The following MUC12 variants were observed in gnomAD, a reference collection of about 807,000 sequenced individuals.
MUC12 encodes mucin 12, cell surface associated.
A neutral mutation model predicts 230.8 loss-of-function variants in MUC12; 172 were observed. That is an observed-to-expected ratio of 0.75 (90% CI 0.66 to 0.85). MUC12 has a LOEUF of 0.85. MUC12 is among the 40% of genes least tolerant of loss of function. The probability of loss-of-function intolerance (pLI) is 0.00; values close to 1 mark genes in which losing one functional copy is unlikely to be tolerated. For synonymous variants in MUC12, 1,259 were observed against 2,401.9 expected (o/e 0.52, Z 13.91); for missense variants, 3,506 against 5,920.6 (o/e 0.59, Z 13.38).
intron 5 of MUC12, among the ~76,000 whole-genome samples, chr7:101,011,414 C>T (rs1477907312): frequency 6.6e-6 from 1 of 152,120 alleles, no homozygotes; most frequent in Non-Finnish European, 1.5e-5. Context: ...AGGTTAGAAA[C>T]TTACCTTTTT....
rs907690064 is a variant in MUC12, at chr7:100,991,110, A to T, written c.547A>T (p.Ser183Cys). Residue 183 changes from serine to cysteine, a missense_variant, in exon 2 of 12, where the codon AGT (serine) becomes TGT (cysteine). Transcript: ENST00000536621. ...GPTHTIAFPD[S>C]TTMPGVSQES... Reference sequence around the variant, plus strand: ...AACGCACACAATAGCGTTCCCTGACAGTACCACCATGCCAGGCGTCAGTCA... The same window carrying T: ...AACGCACACAATAGCGTTCCCTGACTGTACCACCATGCCAGGCGTCAGTCA... The T allele has an allele frequency of 2.3e-5, 36 of 1,537,508 alleles. No homozygotes were observed. In the Admixed American group the frequency reaches 7.1e-4, roughly 30 times the overall value.
chr7:101,005,104 T>C lies in MUC12; in HGVS notation c.14541T>C (p.Ser4847=), dbSNP rs891401861. The change falls in exon 2 of 12, where the codon AGT becomes AGC. Residue 4847 remains serine, a synonymous_variant. Coordinates refer to ENST00000536621, the MANE Select transcript of MUC12 (RefSeq NM_001164462.2). ...CCAGCACCACAGTGCCAGGCCTTAG[T>C]GAGGAATCTACCACCTTCTACAGCA... The part of the protein sequence containing the change: ...SPASTTVPGL[S]EESTTFYSSP... The C allele has an allele frequency of 1.4e-5, 21 of 1,537,838 alleles. No individual in the cohort carries two copies. The highest frequency in any genetic ancestry group is 1.7e-5 in the Non-Finnish European group (19 of 1,147,084).
At chr7:100,979,839 T>A (rs1207124379) in intron 1 of MUC12, among the ~76,000 whole-genome samples, 2 of 151,826 alleles carry the variant, frequency 1.3e-5, no homozygotes, top group African/African-American at 4.8e-5. Context: ...TGTACACACA[T>A]ACATTTATAT....
chr7:101,004,635 A>G lies in MUC12; in HGVS notation c.14072A>G (p.Asp4691Gly). Residue 4691 changes from aspartate (D) to glycine (G), a missense_variant, in exon 2 of 12, where the codon GAT becomes GGT. Transcript: ENST00000536621. ...EESTASHSSP[D>G]TNGITPLPAH... ...TCAACAGCATCCCACAGCAGCCCAG[A>G]TACAAATGGAATCACACCCTTACCT... The G allele has an allele frequency of 6.5e-7, 1 of 1,537,312 alleles. No individual in the cohort carries two copies. The highest frequency in any genetic ancestry group is 8.7e-7 in the Non-Finnish European group (1 of 1,146,596).
chr7:101,012,794 C>G, intron 6 of MUC12, 25 bp from the exon 7 acceptor site: 1 of 1,535,366 alleles, frequency 6.5e-7, no homozygotes, highest in South Asian at 1.2e-5. Flanking sequence ...TCTATTCCAT[C>G]TTCCTTCCCA....
At chr7:101,009,650 T>C (rs927832355) in intron 5 of MUC12, among the ~76,000 whole-genome samples, 2 of 151,468 alleles carry the variant, frequency 1.3e-5, no homozygotes, top group African/African-American at 2.4e-5. Context: ...CTGGGCAACA[T>C]AGCGAGATCC....
chr7:100,991,419 G>A lies in MUC12; in HGVS notation c.856G>A (p.Asp286Asn). The A allele has an allele frequency of 6.5e-7, 1 of 1,537,752 alleles. No homozygotes were observed. Among genetic ancestry groups the A allele is most frequent in the Non-Finnish European group, 8.7e-7 (1 of 1,147,044 alleles). ...CTTCCAGAGCTGGCCAAGCTCAAAG[G>A]ACACTTCGCCTGCACCTTCTGGTAC... ...TTFQSWPSSK[D>N]TSPAPSGTTS... Residue 286 changes from aspartate to asparagine, a missense_variant, in exon 2 of 12, where the codon GAC becomes AAC. By Grantham distance (23) the Asp-to-Asn change is conservative (BLOSUM62 1). Coordinates refer to ENST00000536621, the MANE Select transcript of MUC12 (RefSeq NM_001164462.2).
chr7:100,972,081 T>C (rs1156239162), intron 1 of MUC12: 1 of 703,052 alleles, frequency 1.4e-6, no homozygotes. Context: ...CCGGAAGATC[T>C]GATTAGATCC....
At chr7:101,006,445 C>G (rs1793752668) in intron 2 of MUC12, 26 bp from the exon 3 acceptor site, 2 of 1,496,912 alleles carry the variant, frequency 1.3e-6, no homozygotes, top group African/African-American at 2.8e-5. Flanking sequence ...CCCACGGTGA[C>G]TGCTGTGGAT....
In MUC12 at chr7:101,012,310, T is replaced by C; in HGVS notation, c.15266T>C (p.Val5089Ala). 6.5e-7 allele frequency: 1 copy of C among 1,537,176 alleles called. No homozygotes were observed. Among genetic ancestry groups the C allele is most frequent in the Non-Finnish European group, 8.7e-7 (1 of 1,146,896 alleles). The change falls in exon 6 of 12, where the codon GTG (valine) becomes GCG (alanine). Residue 5089 changes from valine to alanine, a missense_variant. Val to Ala is a moderately conservative substitution (Grantham distance 64). Transcript: ENST00000536621. The stretch of plus-strand genomic sequence containing the variant: ...CCCACTTCCAGCAACGGTAGCATCG[T>C]GGTCAAGAACGATGTCATCCTGGAG... ...NIRRLLNGSI[V>A]VKNDVILEAD...
Position 101,018,741 on chromosome 7 carries a change from C to G in MUC12, c.*105C>G, listed in dbSNP as rs1177300192. 1.7e-6 allele frequency: 2 copies of G among 1,202,390 alleles called. No homozygotes were observed. Among genetic ancestry groups the G allele is most frequent in the African/African-American group, 1.5e-5 (1 of 64,776 alleles). 74.5% of individuals were successfully genotyped at this position (1,202,390 alleles called of 1,614,324 possible). A position where few individuals can be genotyped will look rare whatever the true frequency, so the allele number is the denominator to read the frequency against. On this transcript the variant is annotated 3_prime_UTR_variant, in exon 12 of 12. Coordinates refer to ENST00000536621, the MANE Select transcript of MUC12 (RefSeq NM_001164462.2). ...GGGTCAAGAGGAGACCGAAGTCAGG[C>G]CCTGAAGCCGGTCCTGCTCTGAGCT...
intron 1 of MUC12, among the ~76,000 whole-genome samples, chr7:100,977,765 G>T (rs1793055207): frequency 6.6e-6 from 1 of 151,100 alleles, no homozygotes; most frequent in East Asian, 1.9e-4. Context: ...ACGGGGTCTT[G>T]CTATGTTGCC....
chr7:101,016,161 G>C (rs1793913782), intron 10 of MUC12, among the ~76,000 whole-genome samples: 1 of 152,150 alleles, frequency 6.6e-6, no homozygotes, highest in Non-Finnish European at 1.5e-5. Flanking sequence ...ACCCCAGGCA[G>C]GGGGCACTGC....
At chr7:101,011,182 C>T (rs886947812) in intron 5 of MUC12, among the ~76,000 whole-genome samples, 2 of 152,106 alleles carry the variant, frequency 1.3e-5, no homozygotes, top group South Asian at 2.1e-4. Flanking sequence ...TCAAGGGTGC[C>T]GTGTCCTTGC....
At position 100,991,005 on chromosome 7, in the gene MUC12, G is replaced by A. The variant is rs561595253; in HGVS notation, c.442G>A (p.Asp148Asn). ...CTTCTACAGTAGCCCCAGATCACCA[G>A]ACAGAACACTCTCACCTGCCCGCAC... ...TTFYSSPRSP[D>N]RTLSPARTTS... is the part of the protein sequence containing the mutation. Residue 148 changes from aspartate to asparagine, a missense_variant, in exon 2 of 12, where the codon GAC becomes AAC. Asp to Asn is a conservative substitution (Grantham distance 23). Transcript: ENST00000536621. The A allele has an allele frequency of 6.5e-7, 1 of 1,537,712 alleles. No homozygotes were observed. The highest frequency in any genetic ancestry group is 1.4e-5 in the African/African-American group (1 of 72,984).
Position 100,991,224 on chromosome 7 carries a change from T to A in MUC12, c.661T>A (p.Ser221Thr), listed in dbSNP as rs763093474. The change falls in exon 2 of 12, where the codon TCT (serine) becomes ACT (threonine). Residue 221 changes from serine to threonine, a missense_variant. Coordinates refer to ENST00000536621, the MANE Select transcript of MUC12 (RefSeq NM_001164462.2). The stretch of plus-strand genomic sequence containing the variant: ...CACACCATCATCCCTTGGTCCAGAA[T>A]CTACTACCTTCCACAGCAGCCCAGG... ...TTTPSSLGPESTTFHSSPGYT... is the reference protein window; with the variant it reads ...TTTPSSLGPETTTFHSSPGYT... 1.3e-6 allele frequency: 2 copies of A among 1,537,254 alleles called. No homozygotes were observed. Among genetic ancestry groups the A allele is most frequent in the African/African-American group, 2.7e-5 (2 of 72,844 alleles).
chr7:101,014,016 C>T lies in MUC12; in HGVS notation c.15742C>T (p.Leu5248=), dbSNP rs1190977330. 6.5e-7 allele frequency: 1 copy of T among 1,536,916 alleles called. No individual in the cohort carries two copies. The highest frequency in any genetic ancestry group is 8.7e-7 in the Non-Finnish European group (1 of 1,146,810). Residue 5248 remains leucine, a synonymous_variant, in exon 9 of 12, where the codon CTG becomes TTG. Transcript: ENST00000536621. ...CGTGGGGGCTGTGATGGCGGTGCTG[C>T]TGCTCGCATTGATCATCCTAATCAT... ...GIVGAVMAVL[L]LALIILIILF... is the part of the protein sequence containing the mutation.
chr7:101,005,689 G>A (rs1012722354), intron 2 of MUC12, among the ~76,000 whole-genome samples, 170 bp downstream of exon 2: 9 of 152,026 alleles, frequency 5.9e-5, no homozygotes, highest in South Asian at 2.1e-4. Context: ...TTCATGTGCC[G>A]TTCACTGGTC....
chr7:101,006,696 G>A (rs1793758499), intron 3 of MUC12, 124 bp downstream of exon 3: 5 of 693,610 alleles, frequency 7.2e-6, no homozygotes, highest in Admixed American at 4.3e-5. Context: ...ACTCTTCCCA[G>A]CAACACTGTA....
Sources: gnomAD v4.1 joint callset for allele counts (sites outside exome capture counted in the v4.1 genomes callset) on GRCh38, gnomAD v4.1.1 for gene constraint, MANE v1.5 for transcripts, NCBI Gene and HGNC (gene_info 2026-07-23, HGNC 2026-07-21) for gene names.